ZSCAN25: variants seen among roughly 807,000 people sequenced by gnomAD.
The protein encoded by ZSCAN25 is zinc finger and SCAN domain-containing protein 25.
Under a neutral mutation model 38.7 loss-of-function variants are expected in ZSCAN25, and 27 were observed. That is an observed-to-expected ratio of 0.70 (90% CI 0.51 to 0.96). The LOEUF (loss-of-function observed/expected upper bound fraction) is 0.96, where lower values mean the gene tolerates loss of function less well. Among genes scored for constraint, ZSCAN25 ranks in the 40% least tolerant of loss-of-function variants. The pLI is 0.00. For missense variants in ZSCAN25, 637 were observed against 705.9 expected, an observed-to-expected ratio of 0.90 and a Z score of 1.11; for synonymous variants, 273 against 277.7, an observed-to-expected ratio of 0.98 and a Z score of 0.17.
At chr7:99,715,831 T>A in the ZSCAN25 span, 1 of 1,613,948 alleles carries the variant, frequency 6.2e-7, no homozygotes, top group Non-Finnish European at 8.5e-7. Context: ...AGGGGTCTTG[T>A]GGATTGTTGA....
At chr7:99,663,233 T>G in the ZSCAN25 span, 1 of 1,056,960 alleles carries the variant, frequency 9.5e-7, no homozygotes. Context: ...GATCTTTTAT[T>G]CTTCTACCTT....
chr7:99,680,026 T>C, the ZSCAN25 span: 1 of 792,794 alleles, frequency 1.3e-6, no homozygotes, highest in Non-Finnish European at 2.2e-6. Flanking sequence ...GAAAGATTTA[T>C]GTGCTGGAGA....
chr7:99,717,236 A>G, the ZSCAN25 span: 10 of 1,613,800 alleles, frequency 6.2e-6, no homozygotes, highest in East Asian at 2.2e-5. Context: ...TCACCAACAC[A>G]TCTCCATACT....
chr7:99,694,200 A>G, the ZSCAN25 span, among the ~76,000 whole-genome samples: 1 of 152,136 alleles, frequency 6.6e-6, no homozygotes, highest in Admixed American at 6.6e-5. Flanking sequence ...AGGGAAAGAG[A>G]GTGAGTGTCA....
intron 3 of ZSCAN25, 107 bp from the exon 4 acceptor site, chr7:99,619,454 A>G: frequency 1.1e-6 from 1 of 923,622 alleles, no homozygotes; most frequent in Non-Finnish European, 1.6e-6. Context: ...CAGTCTTTTG[A>G]AAATGCCTTG....
the ZSCAN25 span, chr7:99,671,566 C>T: frequency 2.6e-6 from 1 of 389,330 alleles, no homozygotes; most frequent in Non-Finnish European, 4.6e-6. Flanking sequence ...ATCTAAATCT[C>T]ATAACTTATG....
the ZSCAN25 span, chr7:99,660,637 T>G: frequency 6.2e-7 from 1 of 1,613,948 alleles, no homozygotes; most frequent in Non-Finnish European, 8.5e-7. Flanking sequence ...TTGACTGGGC[T>G]GCGAGCTCCA....
chr7:99,678,356 TG>T, the ZSCAN25 span, among the ~76,000 whole-genome samples: 1 of 152,252 alleles, frequency 6.6e-6, no homozygotes, highest in Non-Finnish European at 1.5e-5. Context: ...TCACTTCATA[TG>T]GATCCTACCT....
At chr7:99,626,686 G>C (rs950369716) in intron 7 of ZSCAN25, among the ~76,000 whole-genome samples, 3 of 152,210 alleles carry the variant, frequency 2.0e-5, no homozygotes, top group Non-Finnish European at 4.4e-5. Flanking sequence ...TGTTGACTTT[G>C]AGATCTAAGT....
intron 4 of ZSCAN25, 84 bp from the exon 5 acceptor site, chr7:99,621,289 T>G: frequency 8.2e-7 from 1 of 1,214,742 alleles, no homozygotes; most frequent in Non-Finnish European, 1.1e-6. Context: ...CTTTTCTTGG[T>G]TCTCTTTTTA....
At chr7:99,719,486 T>C in the ZSCAN25 span, among the ~76,000 whole-genome samples, 3 of 152,086 alleles carry the variant, frequency 2.0e-5, no homozygotes, top group African/African-American at 7.2e-5. Flanking sequence ...AAATAGATAG[T>C]AGAGTTACAT....
intron 1 of ZSCAN25, 35 bp downstream of exon 1, chr7:99,617,051 G>T (rs115435341): frequency 0.057 from 8,753 of 152,322 alleles, 518 homozygotes; most frequent in South Asian, 0.25. Flanking sequence ...CGGGTGGCGG[G>T]CGAAGTGGTA....
rs766859385 is a variant in ZSCAN25 at position 99,619,986 on chromosome 7, C to T, written c.380C>T (p.Ala127Val). ...VEDLTERALE[A>V]KAVPCHRQGE... Reference sequence around the variant, plus strand: ...GACCTGACAGAAAGAGCACTGGAGGCCAAGGCGGTGGGTGAGGAGGGGATC... The same window carrying T: ...GACCTGACAGAAAGAGCACTGGAGGTCAAGGCGGTGGGTGAGGAGGGGATC... Residue 127 changes from alanine to valine, a missense_variant, in exon 4 of 8, where the codon GCC (alanine) becomes GTC (valine). Ala to Val is a moderately conservative substitution (Grantham distance 64, BLOSUM62 0). Transcript: ENST00000394152. The T allele has an allele frequency of 6.2e-7, 1 of 1,611,640 alleles. No homozygotes were observed. The highest frequency in any genetic ancestry group is 8.5e-7 in the Non-Finnish European group (1 of 1,179,370).
chr7:99,660,639 C>T, the ZSCAN25 span: 12 of 1,613,566 alleles, frequency 7.4e-6, no homozygotes, highest in Admixed American at 3.3e-5. Context: ...GACTGGGCTG[C>T]GAGCTCCAGA....
chr7:99,641,264 T>C, the ZSCAN25 span, among the ~76,000 whole-genome samples: 1 of 152,062 alleles, frequency 6.6e-6, no homozygotes, highest in African/African-American at 2.4e-5. Context: ...AACATGTCCT[T>C]CTTCATATGG....
At chr7:99,640,447 C>T in the ZSCAN25 span, among the ~76,000 whole-genome samples, 1 of 152,182 alleles carries the variant, frequency 6.6e-6, no homozygotes, top group Admixed American at 6.5e-5. Context: ...CGTGAGCCAC[C>T]GCACCTGGCC....
the ZSCAN25 span, among the ~76,000 whole-genome samples, chr7:99,654,861 A>G: frequency 3.3e-5 from 5 of 152,042 alleles, no homozygotes; most frequent in East Asian, 3.9e-4. Context: ...TCATGTGTCT[A>G]TTGGCTGCAT....
the ZSCAN25 span, among the ~76,000 whole-genome samples, chr7:99,686,757 C>G: frequency 1.9e-3 from 294 of 151,854 alleles, no homozygotes; most frequent in African/African-American, 6.5e-3. Context: ...GGCACCCCCC[C>G]CCCAGTAGGG....
rs774375497 is a variant in ZSCAN25 at position 99,619,743 on chromosome 7, G to A, written c.137G>A (p.Arg46Gln). 6 of 1,614,130 alleles carry A rather than the reference G, an allele frequency of 3.7e-6. No homozygotes were observed. The highest frequency in any genetic ancestry group is 3.3e-5 in the South Asian group (3 of 91,088). Reference sequence around the variant, plus strand: ...CCAGAGACTTTTCGGCTGAGGTTTCGGCAGTTCCGCTACCAGGAGGCAGCT... The same window carrying A: ...CCAGAGACTTTTCGGCTGAGGTTTCAGCAGTTCCGCTACCAGGAGGCAGCT... Reference protein sequence around the residue: ...PSPETFRLRFRQFRYQEAAGP... With the variant: ...PSPETFRLRFQQFRYQEAAGP... The change falls in exon 4 of 8, where the codon CGG (arginine) becomes CAG (glutamine). Residue 46 changes from arginine to glutamine, a missense_variant. Arg to Gln is a conservative substitution (Grantham distance 43). Coordinates refer to ENST00000394152, the MANE Select transcript of ZSCAN25 (RefSeq NM_145115.3).
Sources: gnomAD v4.1 joint callset for allele counts (sites outside exome capture counted in the v4.1 genomes callset) on GRCh38, gnomAD v4.1.1 for gene constraint, MANE v1.5 for transcripts, NCBI Gene and HGNC (gene_info 2026-07-23, HGNC 2026-07-21) for gene names.